The following SEC24D variants were observed in gnomAD, a reference collection of about 807,000 sequenced individuals.
The protein encoded by SEC24D is SEC24 homolog D, COPII component, also known as protein transport protein Sec24D.
Under a neutral mutation model 116.9 loss-of-function variants are expected in SEC24D, and 69 were observed. The observed-to-expected ratio is 0.59, with a 90% CI of 0.49 to 0.72. The LOEUF is 0.72. Among genes scored for constraint, SEC24D ranks in the 30% least tolerant of loss-of-function variants. The probability of loss-of-function intolerance (pLI) is 0.00; values close to 1 mark genes in which losing one functional copy is unlikely to be tolerated. For synonymous variants in SEC24D, 405 were observed against 442.8 expected (o/e 0.91, Z 1.07); for missense variants, 1,131 against 1,264.1 (o/e 0.89, Z 1.60).
chr4:118,803,370 C>T (rs1729534520), intron 7 of SEC24D, among the ~76,000 whole-genome samples: 1 of 152,208 alleles, frequency 6.6e-6, no homozygotes, highest in Non-Finnish European at 1.5e-5. Context: ...TCTCCCACTA[C>T]CGTACTTCAG....
chr4:118,760,081 T>C (rs935015497), intron 10 of SEC24D, among the ~76,000 whole-genome samples: 6 of 152,346 alleles, frequency 3.9e-5, no homozygotes, highest in East Asian at 1.9e-4. Context: ...AACCAGTTAA[T>C]TGTGAAGGCC....
At chr4:118,793,533 C>A (rs184668325) in intron 8 of SEC24D, among the ~76,000 whole-genome samples, 50 of 150,156 alleles carry the variant, frequency 3.3e-4, no homozygotes, top group Non-Finnish European at 4.7e-4. Flanking sequence ...TTGCATCTAG[C>A]TAGCTGGTGT....
At chr4:118,783,719 A>T (rs1044394583) in intron 8 of SEC24D, among the ~76,000 whole-genome samples, 1 of 152,264 alleles carries the variant, frequency 6.6e-6, no homozygotes, top group Non-Finnish European at 1.5e-5. Context: ...TATAAATACA[A>T]GTATAAAACT....
At chr4:118,755,183 C>T (rs1007551787) in intron 11 of SEC24D, among the ~76,000 whole-genome samples, 8 of 152,084 alleles carry the variant, frequency 5.3e-5, no homozygotes, top group Non-Finnish European at 5.9e-5. Context: ...AACGGTGTAA[C>T]TGCCTTATTA....
At chr4:118,771,420 G>A (rs1727896099) in intron 8 of SEC24D, among the ~76,000 whole-genome samples, 2 of 152,148 alleles carry the variant, frequency 1.3e-5, no homozygotes, top group African/African-American at 4.8e-5. Flanking sequence ...GGCCCTGTGT[G>A]GCCTGAGTTT....
rs541195860 is a variant in SEC24D at position 118,784,724 on chromosome 4, A to G, written c.1041+12959T>C. On this transcript the variant is annotated intron_variant, in intron 8 of 22. Transcript: ENST00000280551. ...CTCTTTTTTGTTACAGGTACTGCTC[A>G]TAACATCCTTCCCTGCCCCCCCCCC... Among the ~76,000 whole-genome samples, 59 of 148,238 alleles carry G rather than the reference A, an allele frequency of 4.0e-4. 1 individual carries two copies. Among genetic ancestry groups the G allele is most frequent in the Middle Eastern group, 3.4e-3 (1 of 292 alleles).
intron 6 of SEC24D, among the ~76,000 whole-genome samples, chr4:118,813,647 C>T (rs945850635): frequency 6.6e-6 from 1 of 152,218 alleles, no homozygotes; most frequent in Non-Finnish European, 1.5e-5. Flanking sequence ...CCTTACGACC[C>T]AATCATCTCT....
intron 2 of SEC24D, among the ~76,000 whole-genome samples, chr4:118,827,237 T>C (rs1730627083): frequency 2.0e-5 from 3 of 152,184 alleles, no homozygotes; most frequent in African/African-American, 4.8e-5. Flanking sequence ...CAAAGTCCTA[T>C]GTGTCACTTG....
rs201748006 is a variant in SEC24D at position 118,815,521 on chromosome 4, A to C, written c.603T>G (p.Pro201=). ...YRPDGLSGPP[P]PNAQYQPPPL... is the part of the protein sequence containing the mutation. Reference sequence around the variant, plus strand: ...GTGGGGGCTGGTACTGGGCATTTGGAGGAGGAGGCCCAGAGAGCCCATCTG... The same window carrying C: ...GTGGGGGCTGGTACTGGGCATTTGGCGGAGGAGGCCCAGAGAGCCCATCTG... Residue 201 remains proline (P), a synonymous_variant, in exon 5 of 23, where the codon CCT becomes CCG. Coordinates refer to ENST00000280551, the MANE Select transcript of SEC24D (RefSeq NM_014822.4). The C allele has an allele frequency of 6.2e-7, 1 of 1,613,988 alleles. No individual in the cohort carries two copies. The highest frequency in any genetic ancestry group is 8.5e-7 in the Non-Finnish European group (1 of 1,180,000).
chr4:118,803,062 T>C (rs965345320), intron 7 of SEC24D, among the ~76,000 whole-genome samples: 1 of 152,136 alleles, frequency 6.6e-6, no homozygotes, highest in African/African-American at 2.4e-5. Context: ...AGACAGAACG[T>C]AGAACAGAGT....
chr4:118,774,779 C>T (rs141143110), intron 8 of SEC24D, among the ~76,000 whole-genome samples: 5 of 152,248 alleles, frequency 3.3e-5, no homozygotes, highest in Non-Finnish European at 5.9e-5. Context: ...TATACCTTTG[C>T]ATCTTTATTA....
chr4:118,794,134 C>G (rs1465145428), intron 8 of SEC24D, among the ~76,000 whole-genome samples: 1 of 151,976 alleles, frequency 6.6e-6, no homozygotes, highest in African/African-American at 2.4e-5. Context: ...GAAACCATAC[C>G]CACTCAATTT....
At chr4:118,828,014 T>C (rs1194189981) in intron 2 of SEC24D, among the ~76,000 whole-genome samples, 2 of 152,146 alleles carry the variant, frequency 1.3e-5, no homozygotes, top group East Asian at 1.9e-4. Context: ...GTAATGACCA[T>C]GGTCCCTAAA....
intron 8 of SEC24D, among the ~76,000 whole-genome samples, chr4:118,784,983 G>T (rs1034195638): frequency 3.9e-5 from 6 of 151,942 alleles, no homozygotes; most frequent in Non-Finnish European, 5.9e-5. Context: ...ATCCCCAAAT[G>T]GCTTTTTTAA....
intron 8 of SEC24D, among the ~76,000 whole-genome samples, chr4:118,775,644 A>G (rs1578421267): frequency 6.6e-6 from 1 of 152,102 alleles, no homozygotes; most frequent in East Asian, 1.9e-4. Context: ...AGACAGACAG[A>G]CAGACGCATA....
At chr4:118,779,809 A>G (rs1189424834) in intron 8 of SEC24D, among the ~76,000 whole-genome samples, 6 of 152,030 alleles carry the variant, frequency 3.9e-5, no homozygotes, top group Non-Finnish European at 8.8e-5. Flanking sequence ...CAGAGATTCA[A>G]CTTCTTCCTG....
At chr4:118,818,167 G>A (rs2110527730) in intron 3 of SEC24D, among the ~76,000 whole-genome samples, 1 of 152,322 alleles carries the variant, frequency 6.6e-6, no homozygotes, top group South Asian at 2.1e-4. Flanking sequence ...GCCTAGCATG[G>A]TTAATCTGCC....
At chr4:118,731,291 CA>C in intron 21 of SEC24D, 24 bp downstream of exon 21, 1 of 1,578,452 alleles carries the variant, frequency 6.3e-7, no homozygotes, top group Non-Finnish European at 8.7e-7. Context: ...CATATTACCA[CA>C]AAAGCAATGA....
intron 22 of SEC24D, among the ~76,000 whole-genome samples, chr4:118,727,104 C>A (rs67151421): frequency 1.3e-5 from 2 of 152,060 alleles, no homozygotes; most frequent in Non-Finnish European, 1.5e-5. Context: ...TCCTTTGAGC[C>A]TCACTTTCAT....
Sources: allele counts gnomAD v4.1 joint callset (sites outside exome capture counted in the v4.1 genomes callset), GRCh38; gene constraint gnomAD v4.1.1; transcripts MANE v1.5; gene names NCBI Gene and HGNC (gene_info 2026-07-23, HGNC 2026-07-21).